The following P2RY6 variants were observed in gnomAD, a reference collection of about 807,000 sequenced individuals.
The protein encoded by P2RY6 is pyrimidinergic receptor P2Y6.
A neutral mutation model predicts 16.3 loss-of-function variants in P2RY6; 19 were observed. That is an observed-to-expected ratio of 1.16 (90% confidence interval 0.81 to 1.71). P2RY6 has a LOEUF of 1.71. Among genes scored for constraint, P2RY6 ranks in the 40% most tolerant of loss-of-function variants. The pLI, the probability that P2RY6 is intolerant of heterozygous loss-of-function variation, is 0.00. For synonymous variants in P2RY6, 184 were observed against 201.5 expected, an observed-to-expected ratio of 0.91 and a Z score of 0.74; for missense variants, 389 against 455.5, an observed-to-expected ratio of 0.85 and a Z score of 1.33.
chr11:73,280,575 G>A (rs1450745917), intron 1 of P2RY6, among the ~76,000 whole-genome samples: 4 of 152,128 alleles, frequency 2.6e-5, no homozygotes, highest in Admixed American at 6.5e-5. Context: ...GGACTCTGGG[G>A]CACTGACTCT....
intron 1 of P2RY6, among the ~76,000 whole-genome samples, chr11:73,266,882 CCCTCCT>C (rs1188539304): frequency 6.6e-6 from 1 of 152,118 alleles, no homozygotes; most frequent in Non-Finnish European, 1.5e-5. Flanking sequence ...CTGGACAGAG[CCCTCCT>C]GGGGAGAAGG....
chr11:73,288,654 G>A (rs1864064878), intron 1 of P2RY6, among the ~76,000 whole-genome samples: 1 of 152,248 alleles, frequency 6.6e-6, no homozygotes, highest in South Asian at 2.1e-4. Flanking sequence ...GGGCAACCCT[G>A]CTTCAGGCTA....
In P2RY6 at chr11:73,298,426, G is replaced by A. The variant is rs942081978; in HGVS notation, c.*921G>A. ...GGGCAAGAGTTAGCCAGATGCTCCA[G>A]GCAGTGGGAAGCCAATGGAGGGATT... is the stretch of plus-strand genomic sequence containing the variant. On this transcript the variant is annotated 3_prime_UTR_variant, in exon 3 of 3. Coordinates refer to ENST00000540124, the MANE Select transcript of P2RY6 (RefSeq NM_001277204.2). The A allele has an allele frequency of 6.0e-6, 1 of 167,174 alleles. No individual in the cohort carries two copies. The highest frequency in any genetic ancestry group is 2.4e-5 in the African/African-American group (1 of 41,468). 10.4% of individuals were successfully genotyped at this position (167,174 alleles called of 1,614,324 possible).
intron 1 of P2RY6, among the ~76,000 whole-genome samples, chr11:73,284,531 C>T (rs989269241): frequency 3.3e-5 from 5 of 152,228 alleles, no homozygotes; most frequent in African/African-American, 1.2e-4. Flanking sequence ...GGACTGTTCA[C>T]AGCCCAAATC....
intron 1 of P2RY6, among the ~76,000 whole-genome samples, chr11:73,279,620 A>G (rs918227828): frequency 6.6e-6 from 1 of 152,214 alleles, no homozygotes; most frequent in Non-Finnish European, 1.5e-5. Flanking sequence ...TTCTCACTCA[A>G]GTTCCTTCCA....
At chr11:73,277,935 T>C (rs368918352) in intron 1 of P2RY6, among the ~76,000 whole-genome samples, 1 of 152,232 alleles carries the variant, frequency 6.6e-6, no homozygotes, top group East Asian at 1.9e-4. Context: ...CCTTGGAGAA[T>C]TGTCTCCCAA....
chr11:73,292,744 C>T, intron 1 of P2RY6: 1 of 974,510 alleles, frequency 1.0e-6, no homozygotes, highest in Non-Finnish European at 1.2e-6. Context: ...GCCGGTGGCC[C>T]CCACAGGGGC....
chr11:73,268,835 C>A (rs1863189747), upstream of P2RY6, among the ~76,000 whole-genome samples: 1 of 152,238 alleles, frequency 6.6e-6, no homozygotes, highest in Admixed American at 6.5e-5. Flanking sequence ...AGCAAGGGGC[C>A]AATGGGCGGT....
At chr11:73,293,095 G>T (rs1440782858) in intron 1 of P2RY6, among the ~76,000 whole-genome samples, 1 of 152,148 alleles carries the variant, frequency 6.6e-6, no homozygotes, top group Non-Finnish European at 1.5e-5. Context: ...CAGCTGGGGG[G>T]ATAAAAAAAG....
intron 1 of P2RY6, among the ~76,000 whole-genome samples, chr11:73,290,315 GA>G (rs1203863708): frequency 1.1e-5 from 1 of 91,076 alleles, no homozygotes; most frequent in South Asian, 3.2e-4. Context: ...AAGAAAGAAA[GA>G]AAGAAAGAAA....
At chr11:73,290,949 C>G (rs559414260) in intron 1 of P2RY6, among the ~76,000 whole-genome samples, 2 of 152,340 alleles carry the variant, frequency 1.3e-5, no homozygotes, top group African/African-American at 4.8e-5. Context: ...GGCCCTCAAA[C>G]CTAGACTCTG....
chr11:73,296,650 C>T lies in P2RY6; in HGVS notation c.132C>T (p.Asn44=), dbSNP rs752611300. The stretch of plus-strand genomic sequence containing the variant: ...TGCTGGCGGCTGGCCTGCCGCTGAA[C>T]ATCTGTGTCATTACCCAGATCTGCA... ...SAVLAAGLPL[N]ICVITQICTS... is the part of the protein sequence containing the mutation. Residue 44 remains asparagine (N), a synonymous_variant, in exon 3 of 3, where the codon AAC becomes AAT. Transcript: ENST00000540124. 1 of 1,614,188 alleles carries T rather than the reference C, an allele frequency of 6.2e-7. No homozygotes were observed.
rs774185386 is a variant in P2RY6, at chr11:73,296,910, C to T, written c.392C>T (p.Pro131Leu). The change falls in exon 3 of 3, where the codon CCG becomes CTG. Residue 131 changes from proline to leucine, a missense_variant. Physicochemically the swap from Pro to Leu is moderately conservative, Grantham distance 98. Transcript: ENST00000540124. ...SFQRYLGICHPLAPWHKRGGR... is the reference protein window; with the variant it reads ...SFQRYLGICHLLAPWHKRGGR... ...CAGCGCTACCTGGGCATCTGCCACC[C>T]GCTGGCCCCCTGGCACAAACGTGGG... is the stretch of plus-strand genomic sequence containing the variant. 9.3e-6 allele frequency: 15 copies of T among 1,609,204 alleles called. No homozygotes were observed. The highest frequency in any genetic ancestry group is 6.7e-5 in the Admixed American group (4 of 60,008).
intron 1 of P2RY6, among the ~76,000 whole-genome samples, chr11:73,283,047 G>A (rs1489964827): frequency 6.6e-6 from 1 of 152,178 alleles, no homozygotes; most frequent in Non-Finnish European, 1.5e-5. Context: ...CCCCAGGTCT[G>A]TTGGGTGCCA....
upstream of P2RY6, chr11:73,271,693 G>A (rs187785172): frequency 2.0e-4 from 30 of 152,592 alleles, no homozygotes; most frequent in Admixed American, 1.8e-3. Flanking sequence ...TTGGTTTCGG[G>A]TCTGGTTCCT....
At chr11:73,286,363 T>C (rs1428858321) in intron 1 of P2RY6, among the ~76,000 whole-genome samples, 1 of 151,878 alleles carries the variant, frequency 6.6e-6, no homozygotes, top group East Asian at 1.9e-4. Flanking sequence ...CCTGTACGAG[T>C]TGTGGACAAA....
chr11:73,277,649 AT>A (rs1448831760), intron 1 of P2RY6, among the ~76,000 whole-genome samples: 2 of 152,236 alleles, frequency 1.3e-5, no homozygotes, highest in Non-Finnish European at 2.9e-5. Context: ...TTCACATGCA[AT>A]GGCTTGCATG....
intron 1 of P2RY6, among the ~76,000 whole-genome samples, chr11:73,292,181 T>A (rs35173692): frequency 0.048 from 7,335 of 152,332 alleles, 279 homozygotes; most frequent in Middle Eastern, 0.11. Context: ...CCTCATGCGC[T>A]CTGCGCCTGC....
chr11:73,266,688 A>C (rs756040721), intron 1 of P2RY6, among the ~76,000 whole-genome samples: 1 of 152,220 alleles, frequency 6.6e-6, no homozygotes, highest in Non-Finnish European at 1.5e-5. Flanking sequence ...GGACAAGGGG[A>C]CATAAAAGGC....
Sources: gnomAD v4.1 joint callset for allele counts (sites outside exome capture counted in the v4.1 genomes callset) on GRCh38, gnomAD v4.1.1 for gene constraint, MANE v1.5 for transcripts, NCBI Gene and HGNC (gene_info 2026-07-23, HGNC 2026-07-21) for gene names.